MEGF11: variants seen among roughly 807,000 people sequenced by gnomAD.
MEGF11 encodes multiple epidermal growth factor-like domains protein 11.
A neutral mutation model predicts 146.6 loss-of-function variants in MEGF11; 126 were observed. The ratio of observed to expected loss-of-function variants is 0.86; its 90% CI spans 0.74 to 1.00. The LOEUF (loss-of-function observed/expected upper bound fraction) is 1.00. Among genes scored for constraint, MEGF11 ranks in the 50% least tolerant of loss-of-function variants. The pLI is 0.00. For missense variants in MEGF11, 1,509 were observed against 1,521.2 expected, an observed-to-expected ratio of 0.99 and a Z score of 0.13; for synonymous variants, 532 against 583.4, an observed-to-expected ratio of 0.91 and a Z score of 1.27.
chr15:66,094,594 C>CA, intron 4 of MEGF11, 100 bp from the exon 5 acceptor site: 32 of 989,082 alleles, frequency 3.2e-5, no homozygotes, highest in Non-Finnish European at 4.4e-5. Context: ...CTCCCTGGTG[C>CA]CCAGGGATGC....
chr15:65,899,999 T>C (rs1273793401), intron 24 of MEGF11, among the ~76,000 whole-genome samples: 1 of 152,142 alleles, frequency 6.6e-6, no homozygotes, highest in Non-Finnish European at 1.5e-5. Context: ...TTTCAGCCTC[T>C]GTACCATTCT....
intron 5 of MEGF11, among the ~76,000 whole-genome samples, chr15:66,034,533 G>C (rs333588): frequency 0.97 from 147,429 of 152,094 alleles, 71,612 homozygotes; most frequent in Middle Eastern, 1. Flanking sequence ...GATCCTCCCC[G>C]CTCAGCCTCC....
intron 5 of MEGF11, among the ~76,000 whole-genome samples, chr15:66,075,474 TTCAA>T (rs1166081468): frequency 6.6e-6 from 1 of 152,088 alleles, no homozygotes; most frequent in African/African-American, 2.4e-5. Context: ...TAACTCAGAA[TTCAA>T]CTCATGTCCA....
At chr15:66,211,378 G>C (rs751764681) in intron 1 of MEGF11, among the ~76,000 whole-genome samples, 36 of 152,046 alleles carry the variant, frequency 2.4e-4, no homozygotes, top group Non-Finnish European at 4.3e-4. Flanking sequence ...AAAAAAATTA[G>C]CCGAGCATGG....
At chr15:66,223,412 T>C (rs141162971) in intron 1 of MEGF11, among the ~76,000 whole-genome samples, 3 of 151,708 alleles carry the variant, frequency 2.0e-5, no homozygotes, top group Admixed American at 2.0e-4. Flanking sequence ...ACTACAAAAT[T>C]GACTGTGGTG....
chr15:66,000,618 T>C (rs1487430153), intron 5 of MEGF11, among the ~76,000 whole-genome samples: 7 of 152,142 alleles, frequency 4.6e-5, no homozygotes, highest in Non-Finnish European at 1.0e-4. Flanking sequence ...CATAACATGC[T>C]GTCTGATGTG....
At chr15:66,220,902 A>G (rs144420460) in intron 1 of MEGF11, among the ~76,000 whole-genome samples, 43 of 152,250 alleles carry the variant, frequency 2.8e-4, no homozygotes, top group African/African-American at 9.6e-4. Flanking sequence ...AAATTAATGC[A>G]TATGACAAAA....
intron 5 of MEGF11, among the ~76,000 whole-genome samples, chr15:66,014,207 G>A (rs1461445312): frequency 6.6e-6 from 1 of 152,238 alleles, no homozygotes; most frequent in Non-Finnish European, 1.5e-5. Context: ...GAGAGTAACT[G>A]TGGGGACTCC....
intron 5 of MEGF11, among the ~76,000 whole-genome samples, chr15:65,983,188 C>G (rs557358275): frequency 2.5e-4 from 38 of 152,272 alleles, no homozygotes; most frequent in African/African-American, 8.7e-4. Flanking sequence ...TCATTACTTT[C>G]CAAGCAGCCA....
At chr15:66,041,693 T>C (rs1462384817) in intron 5 of MEGF11, among the ~76,000 whole-genome samples, 1 of 152,264 alleles carries the variant, frequency 6.6e-6, no homozygotes, top group Non-Finnish European at 1.5e-5. Context: ...GTATGTGGTT[T>C]GCAAAACCTA....
intron 5 of MEGF11, among the ~76,000 whole-genome samples, chr15:65,992,454 G>GT (rs1555459387): frequency 7.1e-6 from 1 of 141,506 alleles, no homozygotes; most frequent in Non-Finnish European, 1.5e-5. Flanking sequence ...TGTGTGTGGG[G>GT]GGGGGGGTTA....
rs369322234 is a variant in MEGF11, at chr15:65,964,924, C to T, written c.1096G>A (p.Ala366Thr). The change falls in exon 9 of 26, where the codon GCT becomes ACT. Residue 366 changes from alanine (A) to threonine (T), a missense_variant. Transcript: ENST00000395614. ...AGCTCATACCTGATGGTGTTGTCAG[C>T]GTCACAGGGGCAGGGCAGGGTGCAG... is the stretch of plus-strand genomic sequence containing the variant. ...PGCTLPCPCDADNTISCHPVT... is the reference protein window; with the variant it reads ...PGCTLPCPCDTDNTISCHPVT... The T allele has an allele frequency of 5.6e-5, 88 of 1,567,080 alleles. No homozygotes were observed. The highest frequency in any genetic ancestry group is 1.3e-4 in the Admixed American group (7 of 54,210).
intron 4 of MEGF11, among the ~76,000 whole-genome samples, chr15:66,107,333 C>A (rs1267833921): frequency 6.6e-6 from 1 of 152,196 alleles, no homozygotes; most frequent in African/African-American, 2.4e-5. Context: ...GCAGCCCTCA[C>A]TGAAGAGCAA....
chr15:66,078,136 G>C (rs567958642), intron 5 of MEGF11, among the ~76,000 whole-genome samples: 1 of 152,300 alleles, frequency 6.6e-6, no homozygotes, highest in African/African-American at 2.4e-5. Context: ...TGCTGCTTAT[G>C]AGTACCCTTG....
chr15:66,061,050 G>C (rs76849871), intron 5 of MEGF11, among the ~76,000 whole-genome samples: 2,971 of 152,300 alleles, frequency 0.02, 101 homozygotes, highest in African/African-American at 0.067. Flanking sequence ...GTGAAGATGG[G>C]GAGCCCAGTT....
intron 1 of MEGF11, among the ~76,000 whole-genome samples, chr15:66,189,330 C>T (rs925983944): frequency 4.6e-5 from 7 of 151,954 alleles, no homozygotes; most frequent in Non-Finnish European, 1.0e-4. Flanking sequence ...CAGATGCCAG[C>T]GGGAAGGGGA....
chr15:66,241,848 C>T (rs375518526), intron 1 of MEGF11, among the ~76,000 whole-genome samples: 14 of 151,836 alleles, frequency 9.2e-5, no homozygotes, highest in Middle Eastern at 3.4e-3. Flanking sequence ...CATATACAGA[C>T]GTCCTCACAT....
intron 1 of MEGF11, among the ~76,000 whole-genome samples, chr15:66,194,104 TG>T (rs1180529191): frequency 1.3e-5 from 2 of 152,186 alleles, no homozygotes; most frequent in African/African-American, 4.8e-5. Flanking sequence ...CCAGCTCAAA[TG>T]CCCATCAATC....
At position 65,916,910 on chromosome 15, in the gene MEGF11, G is replaced by A; in HGVS notation, c.2133C>T (p.Ser711=). 1 of 1,575,696 alleles carries A rather than the reference G, an allele frequency of 6.3e-7. No homozygotes were observed. Among genetic ancestry groups the A allele is most frequent in the East Asian group, 2.3e-5 (1 of 43,290 alleles). ...CGCTGCAGCTCGCCCCGTTGTGGCA[G>A]CTGCATGCGTGGAAGCAGGCGGGGC... ...FWGPACFHAC[S]CHNGASCSAE... is the part of the protein sequence containing the mutation. The change falls in exon 17 of 26, where the codon AGC becomes AGT. Residue 711 remains serine, a synonymous_variant. Coordinates refer to ENST00000395614, the MANE Select transcript of MEGF11 (RefSeq NM_001385028.1).
Sources: gnomAD v4.1 joint callset for allele counts (sites outside exome capture counted in the v4.1 genomes callset) on GRCh38, gnomAD v4.1.1 for gene constraint, MANE v1.5 for transcripts, NCBI Gene and HGNC (gene_info 2026-07-23, HGNC 2026-07-21) for gene names.